The following CEP120 variants were observed in gnomAD, a reference collection of about 807,000 sequenced individuals.
CEP120 encodes the protein centrosomal protein 120.
Under a neutral mutation model 126.5 loss-of-function variants are expected in CEP120, and 113 were observed. That is an observed-to-expected ratio of 0.89 (90% CI 0.77 to 1.04). The LOEUF (loss-of-function observed/expected upper bound fraction) is 1.04. Among genes scored for constraint, CEP120 ranks in the 50% least tolerant of loss-of-function variants. The pLI is 0.00. For missense variants in CEP120, 1,230 were observed against 1,155.7 expected (o/e 1.06, Z -0.93); for synonymous variants, 400 against 394.3 (o/e 1.01, Z -0.17).
intron 18 of CEP120, among the ~76,000 whole-genome samples, chr5:123,357,502 C>T (rs1230454076): frequency 6.6e-6 from 1 of 152,014 alleles, no homozygotes; most frequent in African/African-American, 2.4e-5. Flanking sequence ...TCTGATATTC[C>T]AAAATCTGAA....
rs140874620 is a variant in CEP120 at position 123,410,578 on chromosome 5, A to G, written c.463+1821T>C. ...TTGACAAAGGAGCAAAGGCAATGCA[A>G]TGGAGCAAAGAAAGTCTTTTCAACA... On this transcript the variant is annotated intron_variant, in intron 4 of 19. Transcript: ENST00000306467. 3.9e-5 allele frequency among the ~76,000 whole-genome samples: 6 copies of G among 152,368 alleles called. No homozygotes were observed. In the East Asian group the frequency reaches 9.6e-4, roughly 24 times the overall value.
chr5:123,405,149 A>T (rs1039856230), intron 4 of CEP120, among the ~76,000 whole-genome samples: 1 of 152,226 alleles, frequency 6.6e-6, no homozygotes, highest in Non-Finnish European at 1.5e-5. Context: ...AAAACTAAGG[A>T]AACAGACAGG....
intron 7 of CEP120, among the ~76,000 whole-genome samples, chr5:123,390,702 A>G (rs1331115416): frequency 1.3e-5 from 2 of 152,224 alleles, no homozygotes; most frequent in African/African-American, 2.4e-5. Context: ...AAAACTGACT[A>G]AAGAGAGTAT....
rs775084992 is a variant in CEP120, at chr5:123,377,500, A to C, written c.2232T>G (p.Arg744=). ...CCTGCAGTTCTTGCAGGTTCCGCTG[A>C]CGTTCTGATTGCAGTTCCTTTTTTT... ...QREKKELQSE[R]QRNLQELQDS... The change falls in exon 16 of 20, where the codon CGT becomes CGG. Residue 744 remains arginine, a synonymous_variant. Coordinates refer to ENST00000306467, the MANE Select transcript of CEP120 (RefSeq NM_001375405.1). The C allele has an allele frequency of 1.3e-6, 2 of 1,593,686 alleles. No individual in the cohort carries two copies. The highest frequency in any genetic ancestry group is 4.5e-5 in the East Asian group (2 of 44,532).
In CEP120 at chr5:123,378,388, GTT is replaced by G; in HGVS notation, c.2142_2143del (p.Lys714AsnfsTer4). ...CTCTCGCTTCTCCAAGTCAATTAGAGTTTTTTGAAGTTTTCCTTCTAGAATAG... is the reference window on the plus strand; with the variant it reads ...CTCTCGCTTCTCCAAGTCAATTAGAGTTTTGAAGTTTTCCTTCTAGAATAG... On this transcript the variant is annotated frameshift_variant, in exon 15 of 20. Coordinates refer to ENST00000306467, the MANE Select transcript of CEP120 (RefSeq NM_001375405.1). LOFTEE classifies it high-confidence loss of function. 6.3e-7 allele frequency: 1 copy of G among 1,581,624 alleles called. No individual in the cohort carries two copies. Among genetic ancestry groups the G allele is most frequent in the Admixed American group, 1.7e-5 (1 of 57,714 alleles).
chr5:123,362,308 G>T (rs976558325), intron 18 of CEP120, among the ~76,000 whole-genome samples: 4 of 151,616 alleles, frequency 2.6e-5, no homozygotes, highest in African/African-American at 9.7e-5. Flanking sequence ...CGTCAGAGTG[G>T]CTAATTTTCT....
At position 123,346,160 on chromosome 5, in the gene CEP120, T is replaced by C. The variant is rs1476205151; in HGVS notation, c.*359A>G. On this transcript the variant is annotated 3_prime_UTR_variant, in exon 20 of 20. Transcript: ENST00000306467. ...CGCAGCGTTTTTAAAGTGCAAGATATACTCTTTTGGCTCAACATGAAACAT... is the reference window on the plus strand; with the variant it reads ...CGCAGCGTTTTTAAAGTGCAAGATACACTCTTTTGGCTCAACATGAAACAT... 2 of 185,894 alleles carry C rather than the reference T, an allele frequency of 1.1e-5. No homozygotes were observed. The highest frequency in any genetic ancestry group is 2.4e-5 in the African/African-American group (1 of 42,178). 11.5% of individuals were successfully genotyped at this position (185,894 alleles called of 1,614,324 possible).
chr5:123,403,824 C>A, intron 4 of CEP120: 1 of 306,580 alleles, frequency 3.3e-6, no homozygotes, highest in Non-Finnish European at 6.4e-6. Context: ...CTGCAATCTT[C>A]AAAATTTCAA....
chr5:123,354,932 C>T (rs1312388003), intron 18 of CEP120, among the ~76,000 whole-genome samples: 1 of 151,812 alleles, frequency 6.6e-6, no homozygotes, highest in Admixed American at 6.6e-5. Context: ...CTATCCCTCC[C>T]CACTCCCCCC....
At chr5:123,420,972 G>C (rs1224356982) in intron 1 of CEP120, among the ~76,000 whole-genome samples, 1 of 152,204 alleles carries the variant, frequency 6.6e-6, no homozygotes, top group Non-Finnish European at 1.5e-5. Flanking sequence ...GTACGAACAA[G>C]AGAGAAGAAT....
At chr5:123,408,847 T>C (rs1325243950) in intron 4 of CEP120, among the ~76,000 whole-genome samples, 2 of 151,986 alleles carry the variant, frequency 1.3e-5, no homozygotes, top group African/African-American at 4.8e-5. Flanking sequence ...CAGACCAATA[T>C]CTCTCATGAA....
chr5:123,358,471 G>C (rs747939552), intron 18 of CEP120: 40 of 152,072 alleles, frequency 2.6e-4, no homozygotes, highest in Non-Finnish European at 5.1e-4. Context: ...GATTGCTGGT[G>C]ATCTGTAGTG....
At chr5:123,354,091 C>G (rs564032635) in intron 18 of CEP120, among the ~76,000 whole-genome samples, 5 of 152,154 alleles carry the variant, frequency 3.3e-5, no homozygotes, top group African/African-American at 1.2e-4. Context: ...TCACTAAATC[C>G]CACACTTTGA....
intron 16 of CEP120, among the ~76,000 whole-genome samples, chr5:123,373,769 C>G (rs1367603621): frequency 6.6e-6 from 1 of 152,018 alleles, no homozygotes; most frequent in East Asian, 1.9e-4. Context: ...CCCAATGGAG[C>G]CCTGGAACTA....
chr5:123,381,767 A>T (rs902063094), intron 14 of CEP120, among the ~76,000 whole-genome samples: 9 of 150,608 alleles, frequency 6.0e-5, no homozygotes, highest in Middle Eastern at 6.8e-3. Context: ...ACACACACAT[A>T]TTTTTTTTTA....
chr5:123,412,597 G>T, intron 3 of CEP120, 57 bp from the exon 4 acceptor site: 1 of 1,285,370 alleles, frequency 7.8e-7, no homozygotes, highest in Non-Finnish European at 1.1e-6. Flanking sequence ...AAAACATATT[G>T]GGAAATGCTA....
chr5:123,348,398 A>G (rs1414247778), intron 19 of CEP120, among the ~76,000 whole-genome samples: 3 of 152,208 alleles, frequency 2.0e-5, no homozygotes, highest in African/African-American at 7.2e-5. Context: ...AAAGTGCTAT[A>G]TTTTGGAAGG....
chr5:123,414,447 T>A (rs1171753671), intron 3 of CEP120, among the ~76,000 whole-genome samples: 1 of 152,242 alleles, frequency 6.6e-6, no homozygotes, highest in African/African-American at 2.4e-5. Flanking sequence ...TATGCAAATA[T>A]CCTTGCTATC....
intron 14 of CEP120, 46 bp downstream of exon 14, chr5:123,382,059 TATTATC>T: frequency 8.2e-7 from 1 of 1,221,600 alleles, no homozygotes; most frequent in Non-Finnish European, 1.2e-6. Context: ...AAATACAAGA[TATTATC>T]ATTAATATTC....
Sources: gnomAD v4.1 joint callset for allele counts (sites outside exome capture counted in the v4.1 genomes callset) on GRCh38, gnomAD v4.1.1 for gene constraint, MANE v1.5 for transcripts, NCBI Gene and HGNC (gene_info 2026-07-23, HGNC 2026-07-21) for gene names.